Variants in FAM135A observed in about 807,000 individuals in gnomAD.
FAM135A encodes protein FAM135A.
In FAM135A, 79 loss-of-function variants were observed where a neutral mutation model predicts 146.8. The observed-to-expected ratio is 0.54, with a 90% CI of 0.45 to 0.65. The LOEUF (loss-of-function observed/expected upper bound fraction) is 0.65, where lower values mean the gene tolerates loss of function less well. Among genes scored for constraint, FAM135A ranks in the 30% least tolerant of loss-of-function variants. FAM135A has a pLI of 0.00. For synonymous variants in FAM135A, 562 were observed against 603.6 expected (o/e 0.93, Z 1.01); for missense variants, 1,623 against 1,758.2 (o/e 0.92, Z 1.38).
intron 11 of FAM135A, among the ~76,000 whole-genome samples, chr6:70,491,622 A>G (rs1045885735): frequency 6.6e-6 from 1 of 152,054 alleles, no homozygotes; most frequent in Non-Finnish European, 1.5e-5. Context: ...TCAAACAAAA[A>G]TATGTATTTG....
chr6:70,435,950 G>A (rs756082017), intron 4 of FAM135A, among the ~76,000 whole-genome samples: 4 of 152,160 alleles, frequency 2.6e-5, no homozygotes, highest in South Asian at 2.1e-4. Flanking sequence ...TTGGGAGGCC[G>A]AAGCAGGCTG....
Position 70,526,467 on chromosome 6 carries a change from C to T in FAM135A, c.3383C>T (p.Thr1128Ile). The T allele has an allele frequency of 9.3e-6, 15 of 1,613,160 alleles. No homozygotes were observed. The highest frequency in any genetic ancestry group is 1.3e-5 in the Non-Finnish European group (15 of 1,179,556). ...GATGAACTAATGGAAGAAAGACTTA[C>T]AAAATCTGAAAAAATAAACAGTGAC... ...SRDELMEERL[T>I]KSEKINSDYL... Residue 1128 changes from threonine to isoleucine, a missense_variant, in exon 15 of 22, where the codon ACA becomes ATA. By Grantham distance (89) the Thr-to-Ile change is moderately conservative. Transcript: ENST00000418814.
chr6:70,442,609 C>A (rs1774818843), intron 4 of FAM135A, among the ~76,000 whole-genome samples: 1 of 151,952 alleles, frequency 6.6e-6, no homozygotes, highest in Admixed American at 6.6e-5. Flanking sequence ...TTCCATCTTA[C>A]ACAAAGGTAG....
At chr6:70,453,764 A>G (rs6910177) in intron 5 of FAM135A, among the ~76,000 whole-genome samples, 7,038 of 152,258 alleles carry the variant, frequency 0.046, 360 homozygotes, top group African/African-American at 0.11. Flanking sequence ...TTATGGCTGC[A>G]TAGTATTCCA....
chr6:70,516,596 C>T (rs961623912), intron 12 of FAM135A, among the ~76,000 whole-genome samples: 1 of 130,266 alleles, frequency 7.7e-6, no homozygotes, highest in Admixed American at 9.3e-5. Flanking sequence ...AGTGCAGTGG[C>T]GTGACCTCGG....
intron 12 of FAM135A, among the ~76,000 whole-genome samples, chr6:70,520,699 G>A (rs992691605): frequency 2.0e-5 from 3 of 151,930 alleles, no homozygotes; most frequent in Non-Finnish European, 4.4e-5. Flanking sequence ...CCCCATATTT[G>A]AAATTTAAAT....
rs1364812484 is a variant in FAM135A at position 70,526,425 on chromosome 6, C to T, written c.3341C>T (p.Ala1114Val). ...DYSALDGTIN[A>V]HYTSRDELME... is the part of the protein sequence containing the mutation. Reference sequence around the variant, plus strand: ...TCAGCTTTGGATGGAACAATAAATGCTCACTATACAAGCAGAGATGAACTA... The same window carrying T: ...TCAGCTTTGGATGGAACAATAAATGTTCACTATACAAGCAGAGATGAACTA... Residue 1114 changes from alanine to valine, a missense_variant, in exon 15 of 22, where the codon GCT becomes GTT. Coordinates refer to ENST00000418814, the MANE Select transcript of FAM135A (RefSeq NM_001162529.3). 1.2e-6 allele frequency: 2 copies of T among 1,613,438 alleles called. No individual in the cohort carries two copies. The highest frequency in any genetic ancestry group is 3.3e-5 in the Admixed American group (2 of 59,940).
At chr6:70,499,617 A>G (rs1408643025) in intron 11 of FAM135A, among the ~76,000 whole-genome samples, 1 of 152,052 alleles carries the variant, frequency 6.6e-6, no homozygotes. Context: ...AGTGGCTGGT[A>G]CCGGTTTTCC....
rs117356638 is a variant in FAM135A at position 70,505,526 on chromosome 6, G to T, written c.1029+2735G>T. Among the ~76,000 whole-genome samples the T allele has an allele frequency of 1.9e-3, 288 of 151,234 alleles. 2 individuals carry two copies. Among genetic ancestry groups the T allele is most frequent in the Non-Finnish European group, 3.1e-3 (212 of 67,914 alleles). On this transcript the variant is annotated intron_variant, in intron 12 of 21. Transcript: ENST00000418814. ...AGATTAAGATGACACAGTATTGGGG[G>T]GATACTACATTTTTTTTTCAATCAG...
At position 70,526,551 on chromosome 6, in the gene FAM135A, C is replaced by G. The variant is rs534833258; in HGVS notation, c.3467C>G (p.Pro1156Arg). The G allele has an allele frequency of 4.3e-6, 7 of 1,613,430 alleles. No homozygotes were observed. The highest frequency in any genetic ancestry group is 1.6e-4 in the Middle Eastern group (1 of 6,062). Residue 1156 changes from proline (P) to arginine (R), a missense_variant, in exon 15 of 22, where the codon CCG (proline) becomes CGG (arginine). By Grantham distance (103) the Pro-to-Arg change is moderately radical. Coordinates refer to ENST00000418814, the MANE Select transcript of FAM135A (RefSeq NM_001162529.3). ...TVCTSGCLSF[P>R]SAPRESPCNV... The stretch of plus-strand genomic sequence containing the variant: ...TGTACTTCTGGTTGTTTGTCCTTCC[C>G]GTCTGCACCACGAGAGTCTCCTTGT...
chr6:70,546,507 G>A (rs903013722), intron 20 of FAM135A, among the ~76,000 whole-genome samples: 23 of 152,122 alleles, frequency 1.5e-4, no homozygotes, highest in Admixed American at 1.5e-3. Context: ...CATATCATTA[G>A]TTAATAGCTT....
At chr6:70,524,146 A>T (rs765186364) in intron 14 of FAM135A, 25 bp downstream of exon 14, 1 of 1,586,350 alleles carries the variant, frequency 6.3e-7, no homozygotes, top group South Asian at 1.1e-5. Flanking sequence ...ACTAAAATAT[A>T]CAAGCTATGT....
chr6:70,489,664 C>T (rs966056148), intron 10 of FAM135A, among the ~76,000 whole-genome samples: 1 of 152,136 alleles, frequency 6.6e-6, no homozygotes, highest in African/African-American at 2.4e-5. Context: ...ATGAAGAATA[C>T]ATGATTATTC....
rs1202739072 is a variant in FAM135A at position 70,559,705 on chromosome 6, T to C, written c.4343-11T>C. ...GTGAACTAATTTTCCTTTTTTCTGT[T>C]GGTTCCATAGGACAGATCTATTCAG... is the stretch of plus-strand genomic sequence containing the variant. On this transcript the variant is annotated splice_polypyrimidine_tract_variant and intron_variant, in intron 21 of 21. Transcript: ENST00000418814. 1.9e-6 allele frequency: 3 copies of C among 1,584,662 alleles called. No individual in the cohort carries two copies. Among genetic ancestry groups the C allele is most frequent in the African/African-American group, 1.3e-5 (1 of 74,270 alleles).
intron 5 of FAM135A, among the ~76,000 whole-genome samples, chr6:70,453,645 A>T (rs900020457): frequency 8.0e-5 from 12 of 149,754 alleles, no homozygotes; most frequent in African/African-American, 2.7e-4. Context: ...GTTCCCACCT[A>T]TGAGTGAGAA....
At chr6:70,541,155 T>C (rs1210746334) in intron 20 of FAM135A, among the ~76,000 whole-genome samples, 1 of 152,222 alleles carries the variant, frequency 6.6e-6, no homozygotes, top group Non-Finnish European at 1.5e-5. Flanking sequence ...TTTCAGTAAT[T>C]AATCCTTTAA....
At chr6:70,529,438 T>TAA (rs763023513) in intron 16 of FAM135A, among the ~76,000 whole-genome samples, 86 of 134,930 alleles carry the variant, frequency 6.4e-4, no homozygotes, top group African/African-American at 2.1e-3. Context: ...GATTTTTCTT[T>TAA]AAAAAAAAAA....
intron 4 of FAM135A, among the ~76,000 whole-genome samples, chr6:70,446,186 C>A (rs112474368): frequency 0.021 from 3,238 of 152,296 alleles, 110 homozygotes; most frequent in African/African-American, 0.074. Flanking sequence ...GAGTGTCCTT[C>A]TAGATGCTTT....
chr6:70,467,940 C>A (rs979705337), intron 5 of FAM135A, among the ~76,000 whole-genome samples: 1 of 151,934 alleles, frequency 6.6e-6, no homozygotes, highest in Non-Finnish European at 1.5e-5. Context: ...AAGTGTCCTT[C>A]TGATATTTGA....
Sources: gnomAD v4.1 joint callset for allele counts (sites outside exome capture counted in the v4.1 genomes callset) on GRCh38, gnomAD v4.1.1 for gene constraint, MANE v1.5 for transcripts, NCBI Gene and HGNC (gene_info 2026-07-23, HGNC 2026-07-21) for gene names.